ARHGEF26: variants seen among roughly 807,000 people sequenced by gnomAD.
ARHGEF26 encodes the protein Rho guanine nucleotide exchange factor 26.
A neutral mutation model predicts 89.4 loss-of-function variants in ARHGEF26; 59 were observed. The observed-to-expected ratio is 0.66, with a 90% CI of 0.54 to 0.82. The LOEUF (loss-of-function observed/expected upper bound fraction) is 0.82. Ranked by LOEUF, ARHGEF26 falls within the 40% of genes least tolerant of loss-of-function variation. The pLI is 0.00. For synonymous variants in ARHGEF26, 500 were observed against 428.4 expected (o/e 1.17, Z -2.06); for missense variants, 1,234 against 1,085.6 (o/e 1.14, Z -1.92).
chr3:154,247,526 T>C (rs1717876521), intron 12 of ARHGEF26, among the ~76,000 whole-genome samples: 1 of 152,126 alleles, frequency 6.6e-6, no homozygotes, highest in Admixed American at 6.5e-5. Flanking sequence ...ATCCCTAAGC[T>C]CAGCTCTAGT....
At chr3:154,150,343 C>T (rs1294990176) in intron 5 of ARHGEF26, among the ~76,000 whole-genome samples, 2 of 152,050 alleles carry the variant, frequency 1.3e-5, no homozygotes, top group Admixed American at 6.6e-5. Flanking sequence ...TTCTCTTCCT[C>T]AGTCCTGTCC....
intron 11 of ARHGEF26, among the ~76,000 whole-genome samples, chr3:154,238,539 C>G (rs1225453065): frequency 1.3e-5 from 2 of 152,144 alleles, no homozygotes; most frequent in Non-Finnish European, 2.9e-5. Flanking sequence ...TCCAGGAAAT[C>G]TTGAGCAAAG....
At chr3:154,142,360 G>C (rs576963248) in intron 4 of ARHGEF26, among the ~76,000 whole-genome samples, 1 of 152,168 alleles carries the variant, frequency 6.6e-6, no homozygotes, top group South Asian at 2.1e-4. Context: ...GAGTCACTGC[G>C]CCCAGCCAAT....
At chr3:154,149,502 C>T in intron 5 of ARHGEF26, 57 bp downstream of exon 5, 5 of 1,464,068 alleles carry the variant, frequency 3.4e-6, no homozygotes, top group African/African-American at 1.4e-5. Flanking sequence ...TCGGTGTCTG[C>T]TTTTTTGTGT....
chr3:154,186,444 T>C (rs1203867177), intron 6 of ARHGEF26, among the ~76,000 whole-genome samples: 1 of 152,092 alleles, frequency 6.6e-6, no homozygotes, highest in Non-Finnish European at 1.5e-5. Flanking sequence ...TGACCCTAAA[T>C]TGCTATCTAT....
rs944660018 is a variant in ARHGEF26, at chr3:154,231,445, A to G, written c.2090+5435A>G. On this transcript the variant is annotated intron_variant, in intron 11 of 14. Transcript: ENST00000465093. ...AGAGCCTCAGTGTTCTATCTGTAAT[A>G]TGGGGATAATAACATCATCTTCATC... Among the ~76,000 whole-genome samples the G allele has an allele frequency of 3.3e-5, 5 of 152,266 alleles. No individual in the cohort carries two copies. The South Asian group carries it at 1.0e-3, about 32-fold the overall frequency.
intron 8 of ARHGEF26, 83 bp from the exon 9 acceptor site, chr3:154,194,561 G>A (rs1374871223): frequency 9.9e-7 from 1 of 1,005,108 alleles, no homozygotes; most frequent in African/African-American, 1.6e-5. Context: ...TTTGCTATGA[G>A]TAAAAGGATA....
At chr3:154,191,932 CCTT>C (rs1254010506) in intron 8 of ARHGEF26, among the ~76,000 whole-genome samples, 18 of 152,296 alleles carry the variant, frequency 1.2e-4, no homozygotes, top group African/African-American at 3.6e-4. Flanking sequence ...AGCCCAGCTT[CCTT>C]CTTGTGTTAG....
chr3:154,169,565 A>C (rs1202736913), intron 6 of ARHGEF26, among the ~76,000 whole-genome samples: 4 of 152,182 alleles, frequency 2.6e-5, no homozygotes, highest in Admixed American at 6.6e-5. Flanking sequence ...AAAACTGTTT[A>C]GTGTTTACAA....
chr3:154,153,661 C>A (rs772377923), intron 6 of ARHGEF26, among the ~76,000 whole-genome samples: 7 of 151,978 alleles, frequency 4.6e-5, no homozygotes, highest in Non-Finnish European at 1.0e-4. Context: ...TATGAAAGAT[C>A]CTACAGTAAA....
At chr3:154,202,736 T>A (rs1714727454) in intron 9 of ARHGEF26, among the ~76,000 whole-genome samples, 1 of 147,628 alleles carries the variant, frequency 6.8e-6, no homozygotes, top group South Asian at 2.2e-4. Flanking sequence ...TAAGTTGGAT[T>A]CCTAGGTATT....
At chr3:154,198,026 A>C (rs982350692) in intron 9 of ARHGEF26, among the ~76,000 whole-genome samples, 5 of 152,160 alleles carry the variant, frequency 3.3e-5, no homozygotes, top group Non-Finnish European at 1.5e-5. Flanking sequence ...CCTTTCTCCC[A>C]GAGGCAAAAT....
At chr3:154,140,519 G>C (rs1719294877) in intron 4 of ARHGEF26, among the ~76,000 whole-genome samples, 1 of 151,500 alleles carries the variant, frequency 6.6e-6, no homozygotes, top group Non-Finnish European at 1.5e-5. Context: ...TCATAAATTG[G>C]CTTATTTTCC....
intron 9 of ARHGEF26, among the ~76,000 whole-genome samples, chr3:154,199,254 C>G (rs1203303003): frequency 1.3e-5 from 2 of 151,916 alleles, no homozygotes; most frequent in African/African-American, 4.8e-5. Flanking sequence ...ATTCTACTCT[C>G]TATGTCCATG....
intron 6 of ARHGEF26, among the ~76,000 whole-genome samples, chr3:154,176,138 A>T (rs1576738807): frequency 6.6e-6 from 1 of 152,098 alleles, no homozygotes; most frequent in East Asian, 1.9e-4. Flanking sequence ...TCCCTTTTAA[A>T]CCGGAGACTA....
At chr3:154,130,771 C>T (rs1560041865) in intron 4 of ARHGEF26, among the ~76,000 whole-genome samples, 1 of 152,128 alleles carries the variant, frequency 6.6e-6, no homozygotes, top group East Asian at 1.9e-4. Flanking sequence ...CAAAAACAAG[C>T]CAGTACACCT....
chr3:154,225,157 G>A (rs148067224), intron 10 of ARHGEF26, among the ~76,000 whole-genome samples: 305 of 152,192 alleles, frequency 2.0e-3, no homozygotes, highest in Non-Finnish European at 3.7e-3. Context: ...AAAGCAGTAT[G>A]TAATTTTTTG....
chr3:154,225,736 A>G (rs1559911874), intron 10 of ARHGEF26, 120 bp from the exon 11 acceptor site: 4 of 1,090,552 alleles, frequency 3.7e-6, no homozygotes, highest in East Asian at 2.6e-5. Context: ...ATGCCTATAA[A>G]ACAATGATGC....
At chr3:154,177,701 G>C (rs1407379274) in intron 6 of ARHGEF26, among the ~76,000 whole-genome samples, 2 of 152,150 alleles carry the variant, frequency 1.3e-5, no homozygotes, top group Non-Finnish European at 2.9e-5. Flanking sequence ...ACTGGGCCCT[G>C]GGCCTCCTGA....
Sources: gnomAD v4.1 joint callset for allele counts (sites outside exome capture counted in the v4.1 genomes callset) on GRCh38, gnomAD v4.1.1 for gene constraint, MANE v1.5 for transcripts, NCBI Gene and HGNC (gene_info 2026-07-23, HGNC 2026-07-21) for gene names.